VPS41: variants seen among roughly 807,000 people sequenced by gnomAD.
VPS41 encodes the protein VPS41 subunit of HOPS complex.
A neutral mutation model predicts 130.9 loss-of-function variants in VPS41; 85 were observed. That is an observed-to-expected ratio of 0.65 (90% CI 0.55 to 0.78). The LOEUF is 0.78. VPS41 is among the 30% of genes least tolerant of loss of function. The probability of loss-of-function intolerance (pLI) is 0.00; values close to 1 mark genes in which losing one functional copy is unlikely to be tolerated. For synonymous variants in VPS41, 335 were observed against 332.9 expected (o/e 1.01, Z -0.07); for missense variants, 874 against 1,018.7 (o/e 0.86, Z 1.93).
chr7:38,758,463 G>A lies in VPS41; in HGVS notation c.1441C>T (p.Arg481Ter), dbSNP rs555404379. Residue 481 changes from arginine (R) to a stop codon, truncating the protein, a stop_gained, in exon 18 of 29, where the codon CGA becomes TGA. Transcript: ENST00000310301. LOFTEE classifies it high-confidence loss of function. ...TTATACAGATCTCCAGGCCATTCTC[G>A]GATCAATGTGGCAAAACCCTAACCA... ...SDYEGFATLI[R>*]EWPGDLYNNS... 5.6e-6 allele frequency: 9 copies of A among 1,612,142 alleles called. No individual in the cohort carries two copies. The highest frequency in any genetic ancestry group is 1.3e-5 in the African/African-American group (1 of 74,892).
chr7:38,726,414 G>C (rs988350273), intron 28 of VPS41, 88 bp from the exon 29 acceptor site: 1 of 1,015,398 alleles, frequency 9.8e-7, no homozygotes, highest in African/African-American at 1.6e-5. Context: ...GCGTTAGTCA[G>C]GGGGTGGAGA....
At chr7:38,807,926 G>C (rs1784871546) in intron 7 of VPS41, among the ~76,000 whole-genome samples, 1 of 152,130 alleles carries the variant, frequency 6.6e-6, no homozygotes, top group Non-Finnish European at 1.5e-5. Flanking sequence ...TGCAAAAGAA[G>C]ATATTATCAG....
intron 11 of VPS41, chr7:38,775,383 T>C (rs1295809199): frequency 1.3e-5 from 2 of 152,216 alleles, no homozygotes; most frequent in Non-Finnish European, 2.9e-5. Flanking sequence ...ATCTTTGGCA[T>C]TTATTCCCTT....
chr7:38,786,759 G>C (rs1425859430), intron 10 of VPS41, among the ~76,000 whole-genome samples: 4 of 152,086 alleles, frequency 2.6e-5, no homozygotes, highest in African/African-American at 9.7e-5. Flanking sequence ...ACACCTTGAA[G>C]AATGCCAGCT....
At chr7:38,816,126 G>A (rs756171961) in intron 7 of VPS41, among the ~76,000 whole-genome samples, 47 of 152,096 alleles carry the variant, frequency 3.1e-4, no homozygotes, top group Non-Finnish European at 2.4e-4. Flanking sequence ...ATTTTTTCAG[G>A]AGTGGATCAG....
chr7:38,842,191 A>C (rs1236865399), intron 4 of VPS41, among the ~76,000 whole-genome samples: 1 of 152,122 alleles, frequency 6.6e-6, no homozygotes, highest in African/African-American at 2.4e-5. Context: ...AGCAATCAAA[A>C]GTCACTAAGT....
At chr7:38,754,213 C>T (rs1033877207) in intron 21 of VPS41, among the ~76,000 whole-genome samples, 7 of 152,156 alleles carry the variant, frequency 4.6e-5, no homozygotes, top group African/African-American at 1.2e-4. Context: ...GCCCTTTTAT[C>T]GCTCTGTGGT....
intron 25 of VPS41, among the ~76,000 whole-genome samples, chr7:38,732,617 A>C (rs1425498165): frequency 6.6e-6 from 1 of 152,264 alleles, no homozygotes; most frequent in East Asian, 1.9e-4. Flanking sequence ...CAATTAAATA[A>C]ATGGTCAAGT....
chr7:38,855,339 G>C (rs916558575), intron 4 of VPS41, among the ~76,000 whole-genome samples: 1 of 151,790 alleles, frequency 6.6e-6, no homozygotes, highest in Non-Finnish European at 1.5e-5. Flanking sequence ...CATTTCTTTT[G>C]CTGAAACATG....
intron 25 of VPS41, among the ~76,000 whole-genome samples, chr7:38,737,526 G>C (rs1452470186): frequency 6.6e-6 from 1 of 152,196 alleles, no homozygotes; most frequent in Non-Finnish European, 1.5e-5. Context: ...AGGCAGAGCA[G>C]CACCAAGTGC....
intron 10 of VPS41, among the ~76,000 whole-genome samples, chr7:38,788,111 C>T (rs1195058563): frequency 6.6e-6 from 1 of 152,114 alleles, no homozygotes; most frequent in African/African-American, 2.4e-5. Context: ...TGCCAAGTAC[C>T]ATGTTAGGCA....
chr7:38,767,716 G>A, intron 14 of VPS41, 118 bp from the exon 15 acceptor site: 1 of 530,260 alleles, frequency 1.9e-6, no homozygotes, highest in Non-Finnish European at 3.3e-6. Context: ...ACTATAACCT[G>A]TTTATACTCT....
intron 22 of VPS41, among the ~76,000 whole-genome samples, chr7:38,746,658 T>C (rs762069794): frequency 9.2e-5 from 14 of 152,044 alleles, no homozygotes; most frequent in Non-Finnish European, 1.8e-4. Flanking sequence ...GATGAATGAG[T>C]GCACCTGGGA....
intron 5 of VPS41, 91 bp from the exon 6 acceptor site, chr7:38,821,356 T>C: frequency 1.2e-6 from 1 of 867,750 alleles, no homozygotes; most frequent in Non-Finnish European, 1.9e-6. Context: ...ATAAGAAAAG[T>C]AGAATATTTA....
chr7:38,855,182 C>A (rs1785954913), intron 4 of VPS41, among the ~76,000 whole-genome samples: 1 of 140,432 alleles, frequency 7.1e-6, no homozygotes, highest in Non-Finnish European at 1.5e-5. Flanking sequence ...TGCACTCCAG[C>A]CTGCTGACAG....
intron 7 of VPS41, among the ~76,000 whole-genome samples, chr7:38,812,494 C>T (rs1784963649): frequency 1.3e-5 from 2 of 152,046 alleles, no homozygotes; most frequent in Admixed American, 1.3e-4. Flanking sequence ...GCAGTGATCT[C>T]TTAGATACAA....
intron 7 of VPS41, among the ~76,000 whole-genome samples, chr7:38,803,656 G>C (rs16879966): frequency 0.12 from 18,379 of 152,176 alleles, 1,841 homozygotes; most frequent in African/African-American, 0.28. Flanking sequence ...AAATATTCAA[G>C]ATTAGAAAAG....
chr7:38,875,540 A>G (rs184098694), intron 2 of VPS41, among the ~76,000 whole-genome samples: 65 of 152,348 alleles, frequency 4.3e-4, no homozygotes, highest in Non-Finnish European at 8.5e-4. Context: ...ATTTACACAC[A>G]AAGATGACTA....
chr7:38,866,819 G>C (rs961458650), intron 3 of VPS41, among the ~76,000 whole-genome samples: 1 of 151,924 alleles, frequency 6.6e-6, no homozygotes, highest in African/African-American at 2.4e-5. Flanking sequence ...GAAACAGAAA[G>C]GAATGTCACA....
Sources: allele counts gnomAD v4.1 joint callset (sites outside exome capture counted in the v4.1 genomes callset), GRCh38; gene constraint gnomAD v4.1.1; transcripts MANE v1.5; gene names NCBI Gene and HGNC (gene_info 2026-07-23, HGNC 2026-07-21).